THSD4: variants seen among roughly 807,000 people sequenced by gnomAD.
THSD4 encodes the protein thrombospondin type-1 domain-containing protein 4.
THSD4 carries 69 observed loss-of-function variants against 119.0 expected under a neutral mutation model. That is an observed-to-expected ratio of 0.58 (90% CI 0.48 to 0.71). The LOEUF is 0.71. Ranked by LOEUF, THSD4 falls within the 30% of genes least tolerant of loss-of-function variation. THSD4 has a pLI of 0.00. For missense variants in THSD4, 1,393 were observed against 1,391.1 expected (o/e 1.00, Z -0.02); for synonymous variants, 524 against 540.4 (o/e 0.97, Z 0.42).
intron 3 of THSD4, among the ~76,000 whole-genome samples, chr15:71,180,048 C>T (rs1182586131): frequency 4.1e-5 from 5 of 121,118 alleles, no homozygotes; most frequent in Admixed American, 8.6e-5. Context: ...TGCTAGATGA[C>T]GAGTTAGTGG....
At chr15:71,304,350 A>T (rs1163116633) in intron 6 of THSD4, among the ~76,000 whole-genome samples, 1 of 151,918 alleles carries the variant, frequency 6.6e-6, no homozygotes, top group Non-Finnish European at 1.5e-5. Flanking sequence ...CAGTGCCATG[A>T]CACTGTTCAA....
At chr15:71,670,388 T>C (rs2051499867) in intron 8 of THSD4, among the ~76,000 whole-genome samples, 1 of 151,950 alleles carries the variant, frequency 6.6e-6, no homozygotes, top group South Asian at 2.1e-4. Flanking sequence ...GCTTCATCCA[T>C]GTCCCTACAA....
intron 6 of THSD4, among the ~76,000 whole-genome samples, chr15:71,290,873 T>TC: frequency 1.0e-5 from 1 of 100,038 alleles, no homozygotes; most frequent in Non-Finnish European, 2.1e-5. Context: ...TTTCCTTTTT[T>TC]CCTTTTTTTT....
Position 71,574,687 on chromosome 15 carries a change from G to T in THSD4, c.1153-85843G>T, listed in dbSNP as rs191536644. On this transcript the variant is annotated intron_variant, in intron 7 of 17. Coordinates refer to ENST00000261862, the MANE Select transcript of THSD4 (RefSeq NM_024817.3). ...CGTTTGTCTGTCTGAGCCTCAGTTT[G>T]TAGTGCCCAGGTTAGAGGTGATACA... Among the ~76,000 whole-genome samples the T allele has an allele frequency of 1.2e-3, 189 of 152,270 alleles. 1 individual carries two copies. The highest frequency in any genetic ancestry group is 2.4e-3 in the Non-Finnish European group (163 of 68,024).
At chr15:71,731,524 A>G in intron 10 of THSD4, 1 of 328,970 alleles carries the variant, frequency 3.0e-6, no homozygotes, top group South Asian at 3.6e-5. Context: ...CATGCCTGTA[A>G]TCCTAGCACT....
intron 7 of THSD4, among the ~76,000 whole-genome samples, chr15:71,476,907 G>A (rs1476241288): frequency 1.8e-4 from 28 of 152,128 alleles, no homozygotes; most frequent in Admixed American, 1.6e-3. Context: ...TATCTGGGCC[G>A]ACATAGGTTT....
chr15:71,481,377 G>T (rs1047417785), intron 7 of THSD4, among the ~76,000 whole-genome samples: 8 of 152,122 alleles, frequency 5.3e-5, no homozygotes, highest in Admixed American at 5.2e-4. Context: ...AAAACTTTGA[G>T]AATTTCTGGG....
intron 6 of THSD4, among the ~76,000 whole-genome samples, chr15:71,274,800 G>A (rs2044571869): frequency 6.6e-6 from 1 of 152,094 alleles, no homozygotes; most frequent in Non-Finnish European, 1.5e-5. Flanking sequence ...AGGTGTAAAT[G>A]ATTCTTTAAA....
At chr15:71,488,788 C>T (rs4131757) in intron 7 of THSD4, among the ~76,000 whole-genome samples, 82,108 of 152,070 alleles carry the variant, frequency 0.54, 24,286 homozygotes, top group East Asian at 0.83. Context: ...TTACTATTCC[C>T]CGCCCCTTTC....
Position 71,737,773 on chromosome 15 carries a change from C to T in THSD4, c.1672C>T (p.Gln558Ter). The change falls in exon 11 of 18, where the codon CAG becomes TAG. Residue 558 changes from glutamine (Q) to a stop codon, truncating the protein, a stop_gained. Coordinates refer to ENST00000261862, the MANE Select transcript of THSD4 (RefSeq NM_024817.3). LOFTEE classifies it high-confidence loss of function. ...NGQMVTEGRS[Q>*]EEGEQKGRNE... ...CCAGATGGTGACAGAAGGCAGGAGC[C>T]AGGAGGAGGGAGAACAGAAAGGGAG... 1 of 1,613,606 alleles carries T rather than the reference C, an allele frequency of 6.2e-7. No homozygotes were observed. Among genetic ancestry groups the T allele is most frequent in the Non-Finnish European group, 8.5e-7 (1 of 1,179,714 alleles).
chr15:71,353,542 G>C (rs1191656580), intron 6 of THSD4, among the ~76,000 whole-genome samples: 1 of 152,208 alleles, frequency 6.6e-6, no homozygotes, highest in Non-Finnish European at 1.5e-5. Context: ...CCCTGACCCA[G>C]AAGGAGTCAT....
intron 3 of THSD4, among the ~76,000 whole-genome samples, chr15:71,202,474 C>T (rs2043811973): frequency 6.6e-6 from 1 of 152,158 alleles, no homozygotes; most frequent in Non-Finnish European, 1.5e-5. Context: ...CACACACACA[C>T]GTACACAGAT....
At chr15:71,405,987 A>G (rs2046600221) in intron 6 of THSD4, among the ~76,000 whole-genome samples, 1 of 152,154 alleles carries the variant, frequency 6.6e-6, no homozygotes, top group South Asian at 2.1e-4. Context: ...GGGTCTCACT[A>G]TGTTGCCCAT....
chr15:71,538,211 A>C (rs11072296), intron 7 of THSD4, among the ~76,000 whole-genome samples: 105,434 of 152,092 alleles, frequency 0.69, 37,738 homozygotes, highest in East Asian at 0.95. Flanking sequence ...AAATATAGAC[A>C]CATTTCCTTT....
At chr15:71,240,369 T>G (rs944277370) in intron 4 of THSD4, among the ~76,000 whole-genome samples, 1 of 152,234 alleles carries the variant, frequency 6.6e-6, no homozygotes, top group South Asian at 2.1e-4. Flanking sequence ...AATGGTAATT[T>G]GCAGTGTTGA....
intron 3 of THSD4, among the ~76,000 whole-genome samples, chr15:71,209,840 T>C (rs1354825910): frequency 1.3e-5 from 2 of 152,170 alleles, no homozygotes; most frequent in African/African-American, 2.4e-5. Flanking sequence ...ATTCTTATGA[T>C]AGTGAGTAAA....
At chr15:71,212,420 G>A (rs1041105120) in intron 3 of THSD4, among the ~76,000 whole-genome samples, 1 of 152,212 alleles carries the variant, frequency 6.6e-6, no homozygotes, top group African/African-American at 2.4e-5. Context: ...AATTAAGGGT[G>A]AGATTAGTTC....
chr15:71,413,573 C>T (rs562460179), intron 7 of THSD4, among the ~76,000 whole-genome samples: 1 of 152,262 alleles, frequency 6.6e-6, no homozygotes, highest in Admixed American at 6.5e-5. Context: ...GTATGCCTGG[C>T]TTATTTCAGT....
chr15:71,414,662 A>G (rs1469545239), intron 7 of THSD4, among the ~76,000 whole-genome samples: 1 of 152,226 alleles, frequency 6.6e-6, no homozygotes, highest in East Asian at 1.9e-4. Flanking sequence ...TTAAATGTCT[A>G]TTAGCTGATG....
Sources: gnomAD v4.1 joint callset for allele counts (sites outside exome capture counted in the v4.1 genomes callset) on GRCh38, gnomAD v4.1.1 for gene constraint, MANE v1.5 for transcripts, NCBI Gene and HGNC (gene_info 2026-07-23, HGNC 2026-07-21) for gene names.